The following CREB3L2 variants were observed in gnomAD, a reference collection of about 807,000 sequenced individuals.
CREB3L2 encodes the protein cyclic AMP-responsive element-binding protein 3-like protein 2.
Under a neutral mutation model 57.2 loss-of-function variants are expected in CREB3L2, and 23 were observed. The observed-to-expected ratio is 0.40, with a 90% CI of 0.29 to 0.57. The LOEUF is 0.57. Ranked by LOEUF, CREB3L2 falls within the 20% of genes least tolerant of loss-of-function variation. CREB3L2 has a pLI of 0.42. For missense variants in CREB3L2, 628 were observed against 634.7 expected (o/e 0.99, Z 0.11); for synonymous variants, 268 against 265.1 (o/e 1.01, Z -0.11).
chr7:137,970,126 C>T (rs1214371860), intron 1 of CREB3L2, among the ~76,000 whole-genome samples: 4 of 152,200 alleles, frequency 2.6e-5, no homozygotes, highest in Admixed American at 1.3e-4. Context: ...TTCTTAACCT[C>T]TTCAAGCCGC....
In CREB3L2 at chr7:137,964,053, G is replaced by A. The variant is rs911550633; in HGVS notation, c.103-35687C>T. ...CTTGCGGCCAGGCGCGGTGGCTCAC[G>A]CCTGTAATCCCAGCACTTTGGGAGG... On this transcript the variant is annotated intron_variant, in intron 1 of 11. Transcript: ENST00000330387. 8.5e-5 allele frequency among the ~76,000 whole-genome samples: 13 copies of A among 152,280 alleles called. No homozygotes were observed. The East Asian group carries it at 2.5e-3, about 29-fold the overall frequency.
chr7:137,889,204 T>C (rs964488114), intron 8 of CREB3L2, among the ~76,000 whole-genome samples: 1 of 152,120 alleles, frequency 6.6e-6, no homozygotes, highest in Non-Finnish European at 1.5e-5. Flanking sequence ...GGCTCCCCAG[T>C]GCCTCCTGAA....
chr7:137,914,863 C>CACT (rs1321015553), intron 3 of CREB3L2, among the ~76,000 whole-genome samples: 1 of 152,036 alleles, frequency 6.6e-6, no homozygotes, highest in African/African-American at 2.4e-5. Context: ...ATATTCTGAA[C>CACT]AGGTAGACAC....
intron 8 of CREB3L2, among the ~76,000 whole-genome samples, chr7:137,895,642 CA>C (rs759902698): frequency 3.3e-4 from 37 of 111,844 alleles, no homozygotes; most frequent in South Asian, 3.0e-4. Context: ...GAGTCCAGTA[CA>C]AAAAAAAAAA....
At chr7:137,972,696 A>AAAG (rs1563270042) in intron 1 of CREB3L2, among the ~76,000 whole-genome samples, 1 of 39,218 alleles carries the variant, frequency 2.5e-5, no homozygotes, top group East Asian at 5.4e-4. Flanking sequence ...AAAAAAAAAA[A>AAAG]AAAAAAAAAA....
intron 2 of CREB3L2, among the ~76,000 whole-genome samples, chr7:137,916,962 TTTTG>T (rs1447163463): frequency 3.3e-5 from 5 of 152,218 alleles, no homozygotes; most frequent in Non-Finnish European, 5.9e-5. Flanking sequence ...CACTCCATTT[TTTTG>T]TTTGTTTTTG....
chr7:137,910,941 A>T (rs1231312665), intron 4 of CREB3L2, among the ~76,000 whole-genome samples: 1 of 152,218 alleles, frequency 6.6e-6, no homozygotes, highest in African/African-American at 2.4e-5. Flanking sequence ...GAATTTCCTT[A>T]TCTCAGTTTA....
At chr7:137,965,384 T>C (rs1474259764) in intron 1 of CREB3L2, among the ~76,000 whole-genome samples, 1 of 152,246 alleles carries the variant, frequency 6.6e-6, no homozygotes, top group Non-Finnish European at 1.5e-5. Context: ...CGTGAACTTT[T>C]GCTAGTTTAA....
chr7:137,999,911 A>T (rs1006550272), intron 1 of CREB3L2: 3 of 152,248 alleles, frequency 2.0e-5, no homozygotes, highest in African/African-American at 7.2e-5. Context: ...TGGGCTGTTA[A>T]TATCAAAGCA....
chr7:137,986,672 A>G lies in CREB3L2; in HGVS notation c.102+14932T>C, dbSNP rs1801796814. ...GACAAGAGGACAGTCAGAATCCCACACCGAAACTGGGAGGGTGGGAATAAG... is the reference window on the plus strand; with the variant it reads ...GACAAGAGGACAGTCAGAATCCCACGCCGAAACTGGGAGGGTGGGAATAAG... On this transcript the variant is annotated intron_variant, in intron 1 of 11. Coordinates refer to ENST00000330387, the MANE Select transcript of CREB3L2 (RefSeq NM_194071.4). 2.6e-5 allele frequency among the ~76,000 whole-genome samples: 4 copies of G among 152,170 alleles called. No individual in the cohort carries two copies. The South Asian group carries it at 6.2e-4, about 24-fold the overall frequency.
chr7:137,919,005 A>G (rs1446643146), intron 2 of CREB3L2, among the ~76,000 whole-genome samples: 1 of 152,278 alleles, frequency 6.6e-6, no homozygotes, highest in East Asian at 1.9e-4. Flanking sequence ...ACAACTGTAC[A>G]TTTCCAAGAG....
intron 2 of CREB3L2, among the ~76,000 whole-genome samples, chr7:137,925,110 G>A (rs574299563): frequency 6.6e-6 from 1 of 152,210 alleles, no homozygotes; most frequent in African/African-American, 2.4e-5. Flanking sequence ...TTCAGGTGGA[G>A]GATGGAGGGA....
At chr7:137,960,809 C>CTTTTT (rs66493086) in intron 1 of CREB3L2, among the ~76,000 whole-genome samples, 7,531 of 95,540 alleles carry the variant, frequency 0.079, 1,427 homozygotes, top group African/African-American at 0.21. Context: ...TAAATTATTT[C>CTTTTT]TTTTTTTTTT....
intron 1 of CREB3L2, among the ~76,000 whole-genome samples, chr7:137,968,917 G>C (rs1046573441): frequency 6.6e-6 from 1 of 152,202 alleles, no homozygotes; most frequent in Non-Finnish European, 1.5e-5. Flanking sequence ...AAGAAAGTGA[G>C]AAGGGGCAAA....
chr7:137,917,102 A>T (rs563289663), intron 2 of CREB3L2, among the ~76,000 whole-genome samples: 2 of 152,128 alleles, frequency 1.3e-5, no homozygotes, highest in South Asian at 4.2e-4. Flanking sequence ...AAATGGACAA[A>T]ATACTCTTCC....
chr7:137,914,462 T>A (rs936154905), intron 3 of CREB3L2, among the ~76,000 whole-genome samples: 1 of 152,052 alleles, frequency 6.6e-6, no homozygotes, highest in Non-Finnish European at 1.5e-5. Context: ...TAAAACCCCA[T>A]CTCTACTAAA....
At chr7:137,891,155 T>C (rs1175014823) in intron 8 of CREB3L2, among the ~76,000 whole-genome samples, 1 of 152,222 alleles carries the variant, frequency 6.6e-6, no homozygotes, top group Non-Finnish European at 1.5e-5. Flanking sequence ...TGTGGTGAGA[T>C]GTAAAAATAA....
intron 1 of CREB3L2, among the ~76,000 whole-genome samples, chr7:137,994,732 C>T (rs1801958091): frequency 6.6e-6 from 1 of 152,108 alleles, no homozygotes. Flanking sequence ...ATCCCTTGAG[C>T]CCAGGGGTTC....
At chr7:137,936,373 T>A (rs1197756898) in intron 1 of CREB3L2, among the ~76,000 whole-genome samples, 2 of 152,152 alleles carry the variant, frequency 1.3e-5, no homozygotes, top group African/African-American at 4.8e-5. Context: ...AGTTCTCTAG[T>A]CCCAGCCTTG....
Sources: gnomAD v4.1 joint callset for allele counts (sites outside exome capture counted in the v4.1 genomes callset) on GRCh38, gnomAD v4.1.1 for gene constraint, MANE v1.5 for transcripts, NCBI Gene and HGNC (gene_info 2026-07-23, HGNC 2026-07-21) for gene names.